The following NACC2 variants were observed in gnomAD, a reference collection of about 807,000 sequenced individuals.
NACC2 encodes the protein NACC family member 2.
NACC2 carries 8 observed loss-of-function variants against 25.1 expected under a neutral mutation model. The observed-to-expected ratio is 0.32, with a 90% CI of 0.19 to 0.57. The LOEUF is 0.57. NACC2 is among the 20% of genes least tolerant of loss of function. NACC2 has a pLI of 0.89. For missense variants in NACC2, 644 were observed against 650.2 expected (o/e 0.99, Z 0.10); for synonymous variants, 435 against 294.7 (o/e 1.48, Z -4.88).
chr9:136,016,857 C>T (rs905026211), intron 2 of NACC2, among the ~76,000 whole-genome samples: 2 of 152,076 alleles, frequency 1.3e-5, no homozygotes, highest in Non-Finnish European at 2.9e-5. Context: ...GACGGCTTGG[C>T]AGGGCCAGCA....
chr9:136,075,327 G>A (rs945837239), intron 1 of NACC2, among the ~76,000 whole-genome samples: 1 of 152,238 alleles, frequency 6.6e-6, no homozygotes, highest in African/African-American at 2.4e-5. Context: ...ATACTTGGGG[G>A]GAAAGCCCTC....
chr9:136,007,513 G>A lies in NACC2; in HGVS notation c.*4003C>T, dbSNP rs11103264. 2.9e-5 allele frequency: 4 copies of A among 138,114 alleles called. No homozygotes were observed. Among genetic ancestry groups the A allele is most frequent in the Middle Eastern group, 1.6e-3 (1 of 638 alleles). The allele number at this position is 138,114 out of a possible 1,614,324, so 8.6% of individuals were successfully genotyped here. On this transcript the variant is annotated 3_prime_UTR_variant, in exon 6 of 6. Transcript: ENST00000277554. ...CACAGACACACACATGCACAGACGC[G>A]CACACACAGACGCACAGACGTGCAC...
intron 2 of NACC2, among the ~76,000 whole-genome samples, chr9:136,042,116 G>A (rs1480332517): frequency 6.6e-6 from 1 of 152,042 alleles, no homozygotes; most frequent in Non-Finnish European, 1.5e-5. Context: ...AGCCTCCTCA[G>A]CAGCTAGGAC....
intron 1 of NACC2, among the ~76,000 whole-genome samples, chr9:136,057,433 C>A (rs1554740502): frequency 6.6e-6 from 1 of 152,212 alleles, no homozygotes; most frequent in Non-Finnish European, 1.5e-5. Flanking sequence ...TATGGCCCCA[C>A]CCCAGCCAGC....
intron 2 of NACC2, 146 bp from the exon 3 acceptor site, chr9:136,016,575 C>T (rs555781713): frequency 2.2e-6 from 2 of 929,494 alleles, no homozygotes; most frequent in South Asian, 3.3e-5. Flanking sequence ...CTGTGCCGCT[C>T]TCCTGCTGGC....
Position 136,007,712 on chromosome 9 carries a change from CAG to C in NACC2, c.*3802_*3803del, listed in dbSNP as rs1327424960. ...AGGACTCGCTGCTGGCAGAGGCAGA[CAG>C]AGGGTTCTTGGAGTTTTCAGTTGGT... On this transcript the variant is annotated 3_prime_UTR_variant, in exon 6 of 6. Transcript: ENST00000277554. The C allele has an allele frequency of 1.3e-5, 2 of 152,274 alleles. No individual in the cohort carries two copies. Among genetic ancestry groups the C allele is most frequent in the East Asian group, 1.9e-4 (1 of 5,202 alleles). The allele number at this position is 152,274 out of a possible 1,614,324, so 9.4% of individuals were successfully genotyped here.
At chr9:136,029,390 G>A (rs1840440972) in intron 2 of NACC2, among the ~76,000 whole-genome samples, 1 of 152,172 alleles carries the variant, frequency 6.6e-6, no homozygotes, top group African/African-American at 2.4e-5. Context: ...CCTCAATAAA[G>A]CATTTCTTCA....
intron 1 of NACC2, among the ~76,000 whole-genome samples, chr9:136,093,357 T>G (rs1285176478): frequency 1.2e-4 from 19 of 152,170 alleles, no homozygotes. Context: ...ACTAGCCCCC[T>G]GCCCAGGGCA....
chr9:136,012,921 G>C (rs2131131460), intron 5 of NACC2, among the ~76,000 whole-genome samples: 1 of 152,340 alleles, frequency 6.6e-6, no homozygotes, highest in East Asian at 1.9e-4. Flanking sequence ...AAGGGGTTTT[G>C]TTCAAAAAGG....
At chr9:136,024,059 T>C (rs1052777842) in intron 2 of NACC2, among the ~76,000 whole-genome samples, 8 of 151,652 alleles carry the variant, frequency 5.3e-5, no homozygotes, top group Non-Finnish European at 1.2e-4. Flanking sequence ...GGACAGCGTG[T>C]GTGTGTGAGG....
chr9:136,033,937 GT>G (rs1840513547), intron 2 of NACC2, among the ~76,000 whole-genome samples: 1 of 150,592 alleles, frequency 6.6e-6, no homozygotes, highest in Admixed American at 6.6e-5. Flanking sequence ...GTGTGTGTGT[GT>G]GTGAGATATT....
chr9:136,072,599 C>A (rs1373197985), intron 1 of NACC2, among the ~76,000 whole-genome samples: 5 of 152,174 alleles, frequency 3.3e-5, no homozygotes, highest in Non-Finnish European at 7.3e-5. Context: ...TGCCTGTAAT[C>A]CCAGCACTTT....
intron 2 of NACC2, among the ~76,000 whole-genome samples, chr9:136,049,203 G>A (rs973057855): frequency 6.6e-6 from 1 of 152,230 alleles, no homozygotes; most frequent in Non-Finnish European, 1.5e-5. Flanking sequence ...CCCTGGCGCG[G>A]GGCCTGGAGA....
At chr9:136,012,166 C>G (rs1490390573) in intron 5 of NACC2, 142 bp from the exon 6 acceptor site, 1 of 1,083,100 alleles carries the variant, frequency 9.2e-7, no homozygotes, top group Non-Finnish European at 1.3e-6. Flanking sequence ...CTCTCCTGGC[C>G]TCAGCCAGAA....
intron 1 of NACC2, among the ~76,000 whole-genome samples, chr9:136,093,777 C>T (rs1252826458): frequency 6.9e-6 from 1 of 143,998 alleles, no homozygotes; most frequent in African/African-American, 2.6e-5. Flanking sequence ...AGGGGTGCTC[C>T]AACGGTGGCC....
At chr9:136,028,336 C>T (rs1840424558) in intron 2 of NACC2, among the ~76,000 whole-genome samples, 1 of 151,178 alleles carries the variant, frequency 6.6e-6, no homozygotes. Context: ...AGGCTGACCA[C>T]ATGTACTTTC....
At chr9:136,033,074 G>A (rs569990452) in intron 2 of NACC2, among the ~76,000 whole-genome samples, 1 of 152,098 alleles carries the variant, frequency 6.6e-6, no homozygotes, top group African/African-American at 2.4e-5. Flanking sequence ...TACTTGGGAG[G>A]CTGAGGTAGG....
intron 3 of NACC2, 123 bp downstream of exon 3, chr9:136,016,142 G>A (rs1471097173): frequency 4.5e-6 from 5 of 1,102,552 alleles, no homozygotes; most frequent in Non-Finnish European, 6.4e-6. Flanking sequence ...GAAATTAGAG[G>A]AAATTTAAGA....
chr9:136,036,162 G>A (rs1006059578), intron 2 of NACC2, among the ~76,000 whole-genome samples: 2 of 152,328 alleles, frequency 1.3e-5, no homozygotes, highest in South Asian at 4.1e-4. Flanking sequence ...CTCACTCTGC[G>A]AAGAAGTGGG....
Sources: gnomAD v4.1 joint callset for allele counts (sites outside exome capture counted in the v4.1 genomes callset) on GRCh38, gnomAD v4.1.1 for gene constraint, MANE v1.5 for transcripts, NCBI Gene and HGNC (gene_info 2026-07-23, HGNC 2026-07-21) for gene names.